Variants in NHSL1 observed in about 807,000 individuals in gnomAD.
NHSL1 encodes the protein NHS like 1.
A neutral mutation model predicts 95.0 loss-of-function variants in NHSL1; 48 were observed. That is an observed-to-expected ratio of 0.51 (90% CI 0.40 to 0.64). The LOEUF is 0.64. Among genes scored for constraint, NHSL1 ranks in the 30% least tolerant of loss-of-function variants. The pLI is 0.00. For synonymous variants in NHSL1, 783 were observed against 833.9 expected (o/e 0.94, Z 1.05); for missense variants, 1,971 against 2,077.7 (o/e 0.95, Z 1.00).
chr6:138,676,550 TAC>T (rs1340630169), intron 1 of NHSL1, among the ~76,000 whole-genome samples: 2 of 152,254 alleles, frequency 1.3e-5, no homozygotes, highest in African/African-American at 4.8e-5. Context: ...ATGCCCATTT[TAC>T]AGAGGAAAGA....
intron 1 of NHSL1, among the ~76,000 whole-genome samples, chr6:138,561,602 T>C (rs996451498): frequency 6.6e-6 from 1 of 152,196 alleles, no homozygotes; most frequent in South Asian, 2.1e-4. Flanking sequence ...CTCTCCTCAG[T>C]GTGAGTTACT....
chr6:138,488,066 T>C, intron 2 of NHSL1, among the ~76,000 whole-genome samples: 1 of 152,094 alleles, frequency 6.6e-6, no homozygotes, highest in East Asian at 1.9e-4. Context: ...TCACCTGAGG[T>C]CAGGAGTTAG....
intron 1 of NHSL1, among the ~76,000 whole-genome samples, chr6:138,676,561 GAACTTAAGC>G (rs1344517223): frequency 6.6e-6 from 1 of 152,168 alleles, no homozygotes; most frequent in Non-Finnish European, 1.5e-5. Context: ...ACAGAGGAAA[GAACTTAAGC>G]AGAAAGGGTA....
chr6:138,480,684 G>A (rs11964304), intron 2 of NHSL1, among the ~76,000 whole-genome samples: 23 of 152,276 alleles, frequency 1.5e-4, no homozygotes, highest in African/African-American at 5.5e-4. Context: ...CCTTCCTACT[G>A]TAATTCAAGG....
At chr6:138,429,870 G>T (rs1481629590) in intron 6 of NHSL1, 27 bp from the exon 7 acceptor site, 2 of 1,540,446 alleles carry the variant, frequency 1.3e-6, no homozygotes, top group Admixed American at 4.1e-5. Context: ...AGGCATACAA[G>T]ACGCACAAGT....
chr6:138,437,046 C>T (rs1776149614), intron 5 of NHSL1, among the ~76,000 whole-genome samples: 2 of 152,088 alleles, frequency 1.3e-5, no homozygotes, highest in South Asian at 4.1e-4. Context: ...CCAAGGCAGG[C>T]AGATCACCTG....
intron 1 of NHSL1, among the ~76,000 whole-genome samples, chr6:138,610,511 C>T (rs1027031131): frequency 1.9e-4 from 29 of 149,490 alleles, no homozygotes; most frequent in Non-Finnish European, 3.7e-4. Context: ...GCACGTTGCG[C>T]ACATGTACCC....
intron 1 of NHSL1, among the ~76,000 whole-genome samples, chr6:138,519,194 T>C (rs1201379273): frequency 6.6e-6 from 1 of 151,878 alleles, no homozygotes; most frequent in Non-Finnish European, 1.5e-5. Context: ...AGCCTTACCA[T>C]GTGTATAGTA....
At chr6:138,543,960 G>A (rs979143159) in intron 1 of NHSL1, among the ~76,000 whole-genome samples, 11 of 152,096 alleles carry the variant, frequency 7.2e-5, no homozygotes, top group East Asian at 3.9e-4. Flanking sequence ...CATGCCATAC[G>A]TTTGAGTTTT....
chr6:138,589,087 C>T, intron 1 of NHSL1, among the ~76,000 whole-genome samples: 1 of 152,114 alleles, frequency 6.6e-6, no homozygotes, highest in East Asian at 1.9e-4. Flanking sequence ...TCCTAACACC[C>T]GCCAAAATTG....
At chr6:138,669,250 A>C (rs1785333639) in intron 1 of NHSL1, among the ~76,000 whole-genome samples, 1 of 152,152 alleles carries the variant, frequency 6.6e-6, no homozygotes, top group African/African-American at 2.4e-5. Context: ...AGCCCTACTG[A>C]AACTGCAGCA....
chr6:138,611,399 T>C (rs1294970267), intron 1 of NHSL1, among the ~76,000 whole-genome samples: 1 of 152,228 alleles, frequency 6.6e-6, no homozygotes, highest in Non-Finnish European at 1.5e-5. Flanking sequence ...AGGTATGTGC[T>C]AACTGTAGTC....
intron 1 of NHSL1, among the ~76,000 whole-genome samples, chr6:138,558,976 A>G (rs1014271033): frequency 1.3e-5 from 2 of 152,062 alleles, no homozygotes; most frequent in African/African-American, 4.8e-5. Context: ...CTTAAGCCCT[A>G]GAGTTCAGGT....
chr6:138,611,732 C>T (rs1041045309), intron 1 of NHSL1, among the ~76,000 whole-genome samples: 2 of 151,062 alleles, frequency 1.3e-5, no homozygotes, highest in Admixed American at 6.6e-5. Context: ...GGCGAAAGAG[C>T]GAGACTCCAA....
rs189654997 is a variant in NHSL1 at position 138,566,119 on chromosome 6, C to T, written c.202+5591G>A. Among the ~76,000 whole-genome samples the T allele has an allele frequency of 2.6e-5, 4 of 152,104 alleles. No homozygotes were observed. In the East Asian group the frequency reaches 5.8e-4, roughly 22 times the overall value. On this transcript the variant is annotated intron_variant, in intron 1 of 6. Transcript: ENST00000427025. ...AAATTATTAAAAACAAACTGTTGGC[C>T]AGGCGTGGTGGCTCACGCTTGTAAT...
chr6:138,611,588 T>C lies in NHSL1; in HGVS notation c.96+80888A>G, dbSNP rs188895410. Among the ~76,000 whole-genome samples, 871 of 151,430 alleles carry C rather than the reference T, an allele frequency of 5.8e-3. 5 individuals carry two copies. Among genetic ancestry groups the C allele is most frequent in the Middle Eastern group, 0.01 (3 of 292 alleles). The stretch of plus-strand genomic sequence containing the variant: ...AGTGAAACTCTGTCTCTATTAAAAA[T>C]ACAAAAAATTAGCTGGGCGCAGTGA... On this transcript the variant is annotated intron_variant, in intron 1 of 3. Coordinates refer to the NHSL1 transcript ENST00000491526.
At chr6:138,610,551 ATAT>A (rs1562390930) in intron 1 of NHSL1, among the ~76,000 whole-genome samples, 27 of 100,210 alleles carry the variant, frequency 2.7e-4, no homozygotes, top group African/African-American at 1.8e-3. Flanking sequence ...ATAAAAAAAT[ATAT>A]ATATATTATA....
intron 1 of NHSL1, among the ~76,000 whole-genome samples, chr6:138,581,903 T>C (rs371971102): frequency 4.2e-5 from 6 of 143,016 alleles, no homozygotes; most frequent in African/African-American, 1.2e-4. Context: ...CTTTCTTTTT[T>C]TTTTTTTTTT....
At chr6:138,487,698 T>C (rs13204474) in intron 2 of NHSL1, among the ~76,000 whole-genome samples, 8,985 of 152,298 alleles carry the variant, frequency 0.059, 614 homozygotes, top group East Asian at 0.24. Flanking sequence ...AGTACGAAGA[T>C]GGGACCTGAC....
Sources: allele counts gnomAD v4.1 joint callset (sites outside exome capture counted in the v4.1 genomes callset), GRCh38; gene constraint gnomAD v4.1.1; transcripts MANE v1.5; gene names NCBI Gene and HGNC (gene_info 2026-07-23, HGNC 2026-07-21).